The following TENM4 variants were observed in gnomAD, a reference collection of about 807,000 sequenced individuals.
TENM4 encodes teneurin transmembrane protein 4, also known as teneurin-4.
In TENM4, 82 loss-of-function variants were observed where a neutral mutation model predicts 243.3. The ratio of observed to expected loss-of-function variants is 0.34; its 90% confidence interval spans 0.28 to 0.40. The LOEUF (loss-of-function observed/expected upper bound fraction) is 0.40, where lower values mean the gene tolerates loss of function less well. Ranked by LOEUF, TENM4 falls within the 10% of genes least tolerant of loss-of-function variation. The pLI, the probability that TENM4 is intolerant of heterozygous loss-of-function variation, is 1.00. For missense variants in TENM4, 3,138 were observed against 3,673.3 expected, an observed-to-expected ratio of 0.85 and a Z score of 3.77; for synonymous variants, 1,412 against 1,456.3, an observed-to-expected ratio of 0.97 and a Z score of 0.69.
At chr11:78,695,131 T>C (rs1858924797) in intron 28 of TENM4, among the ~76,000 whole-genome samples, 1 of 148,258 alleles carries the variant, frequency 6.7e-6, no homozygotes, top group Non-Finnish European at 1.5e-5. Context: ...ACTGCACCCT[T>C]GAACTCCTGG....
chr11:79,140,831 GTGGCGTTTCTGCTGCT>G (rs1215886310), intron 4 of TENM4, among the ~76,000 whole-genome samples: 1 of 152,104 alleles, frequency 6.6e-6, no homozygotes, highest in Non-Finnish European at 1.5e-5. Context: ...ATTTAGTGCA[GTGGCGTTTCTGCTGCT>G]CTGAGGGAAG....
At chr11:79,383,802 GA>G (rs1858054319) in intron 1 of TENM4, among the ~76,000 whole-genome samples, 1 of 152,126 alleles carries the variant, frequency 6.6e-6, no homozygotes, top group Admixed American at 6.5e-5. Context: ...GAATAATAGA[GA>G]TTTTTCAATT....
chr11:79,435,502 G>A (rs1371655858), intron 1 of TENM4, among the ~76,000 whole-genome samples: 2 of 152,308 alleles, frequency 1.3e-5, no homozygotes, highest in East Asian at 3.9e-4. Flanking sequence ...CTTAGATCTA[G>A]AATTGACATT....
intron 33 of TENM4, among the ~76,000 whole-genome samples, chr11:78,660,636 G>T (rs1858007030): frequency 6.6e-6 from 1 of 152,168 alleles, no homozygotes; most frequent in Admixed American, 6.5e-5. Context: ...TCCTTAGTCT[G>T]TCATCCCCTG....
intron 2 of TENM4, among the ~76,000 whole-genome samples, chr11:79,227,982 T>C (rs1016775311): frequency 1.5e-4 from 23 of 152,160 alleles, no homozygotes; most frequent in African/African-American, 5.1e-4. Flanking sequence ...GTGGGGAAAG[T>C]CATTCTTTAT....
At chr11:79,316,897 G>C (rs1856811572) in intron 1 of TENM4, among the ~76,000 whole-genome samples, 1 of 152,208 alleles carries the variant, frequency 6.6e-6, no homozygotes, top group Non-Finnish European at 1.5e-5. Context: ...AAGATGCTTT[G>C]TTCGCTTCAA....
chr11:79,350,589 C>G (rs1857397867), intron 1 of TENM4, among the ~76,000 whole-genome samples: 1 of 117,604 alleles, frequency 8.5e-6, no homozygotes, highest in Non-Finnish European at 1.7e-5. Context: ...ACCACCATAC[C>G]TGGCTAATTT....
intron 6 of TENM4, among the ~76,000 whole-genome samples, chr11:79,023,735 AG>A (rs1387848007): frequency 1.3e-5 from 2 of 152,184 alleles, no homozygotes; most frequent in Non-Finnish European, 2.9e-5. Flanking sequence ...CTCTAGGCAG[AG>A]GGCCCAGTGG....
At position 78,687,071 on chromosome 11, in the gene TENM4, G is replaced by C. The variant is rs576496564; in HGVS notation, c.5260+983C>G. 2.6e-5 allele frequency among the ~76,000 whole-genome samples: 4 copies of C among 152,246 alleles called. No individual in the cohort carries two copies. The East Asian group carries it at 7.7e-4, about 29-fold the overall frequency. On this transcript the variant is annotated intron_variant, in intron 29 of 33. Coordinates refer to ENST00000278550, the MANE Select transcript of TENM4 (RefSeq NM_001098816.3). ...TCGACTGAGCAGCCCTGTGGGGCAG[G>C]TGTTAAAATTCAGCCCCCTTTCCCA... is the stretch of plus-strand genomic sequence containing the variant.
intron 12 of TENM4, among the ~76,000 whole-genome samples, chr11:78,840,363 T>C (rs1337692607): frequency 1.3e-5 from 2 of 152,104 alleles, no homozygotes; most frequent in African/African-American, 4.8e-5. Flanking sequence ...TGACATGTAA[T>C]ATGAACCAGG....
chr11:79,205,595 C>T (rs1025758302), intron 3 of TENM4, among the ~76,000 whole-genome samples: 3 of 152,184 alleles, frequency 2.0e-5, no homozygotes, highest in East Asian at 3.9e-4. Flanking sequence ...GTTTTATTCT[C>T]ACTCAGTGTA....
chr11:78,910,666 A>G (rs1403374027), intron 6 of TENM4, among the ~76,000 whole-genome samples: 1 of 152,240 alleles, frequency 6.6e-6, no homozygotes, highest in African/African-American at 2.4e-5. Context: ...TAGAGAAAAC[A>G]ATCAGTATTA....
At chr11:79,207,868 A>G (rs1863880779) in intron 3 of TENM4, among the ~76,000 whole-genome samples, 1 of 74,784 alleles carries the variant, frequency 1.3e-5, no homozygotes, top group Non-Finnish European at 2.3e-5. Flanking sequence ...TCTGTCTCAA[A>G]AAAAAAAAAA....
intron 15 of TENM4, among the ~76,000 whole-genome samples, chr11:78,794,153 C>T (rs944371001): frequency 2.6e-5 from 4 of 152,156 alleles, no homozygotes; most frequent in African/African-American, 9.7e-5. Flanking sequence ...ATCTAAGTGT[C>T]CCAACTATTT....
At chr11:79,250,179 T>G (rs573500) in intron 2 of TENM4, among the ~76,000 whole-genome samples, 86,775 of 151,872 alleles carry the variant, frequency 0.57, 25,778 homozygotes, top group East Asian at 0.83. Flanking sequence ...TAGAGACAGG[T>G]TTTCACCATG....
chr11:78,963,941 G>T (rs1857385967), intron 6 of TENM4, among the ~76,000 whole-genome samples: 1 of 149,416 alleles, frequency 6.7e-6, no homozygotes, highest in African/African-American at 2.5e-5. Flanking sequence ...GTTTCACTAT[G>T]TTGGCCAGGC....
rs551202427 is a variant in TENM4, at chr11:78,903,515, C to T, written c.502G>A (p.Gly168Ser). 39 of 1,546,548 alleles carry T rather than the reference C, an allele frequency of 2.5e-5. No individual in the cohort carries two copies. The highest frequency in any genetic ancestry group is 1.2e-4 in the African/African-American group (9 of 73,082). Reference sequence around the variant, plus strand: ...AGCCGCGCGTGGTTCTGCAGGCCGCCCGGATGATCTAGGGCACAAACATGG... The same window carrying T: ...AGCCGCGCGTGGTTCTGCAGGCCGCTCGGATGATCTAGGGCACAAACATGG... ...EHENTETDHP[G>S]GLQNHARLRT... The change falls in exon 7 of 34, where the codon GGC becomes AGC. Residue 168 changes from glycine (G) to serine (S), a missense_variant. Transcript: ENST00000278550.
At chr11:78,714,647 C>T (rs1233910280) in intron 25 of TENM4, among the ~76,000 whole-genome samples, 1 of 152,172 alleles carries the variant, frequency 6.6e-6, no homozygotes, top group East Asian at 1.9e-4. Flanking sequence ...CTGCACAAAT[C>T]CCAGCTTTCT....
At chr11:78,990,907 T>C (rs1018553936) in intron 6 of TENM4, among the ~76,000 whole-genome samples, 2 of 152,212 alleles carry the variant, frequency 1.3e-5, no homozygotes, top group Admixed American at 1.3e-4. Context: ...ACTTGCATAA[T>C]TAGAAAAAGG....
Sources: gnomAD v4.1 joint callset for allele counts (sites outside exome capture counted in the v4.1 genomes callset) on GRCh38, gnomAD v4.1.1 for gene constraint, MANE v1.5 for transcripts, NCBI Gene and HGNC (gene_info 2026-07-23, HGNC 2026-07-21) for gene names.